The following TCP11L1 variants were observed in gnomAD, a reference collection of about 807,000 sequenced individuals.
The protein encoded by TCP11L1 is t-complex 11 like 1.
In TCP11L1, 28 loss-of-function variants were observed where a neutral mutation model predicts 48.9. The ratio of observed to expected loss-of-function variants is 0.57; its 90% CI spans 0.42 to 0.78. The LOEUF is 0.78. Among genes scored for constraint, TCP11L1 ranks in the 30% least tolerant of loss-of-function variants. The pLI is 0.00. For missense variants in TCP11L1, 505 were observed against 613.4 expected (o/e 0.82, Z 1.87); for synonymous variants, 204 against 231.9 (o/e 0.88, Z 1.09).
At chr11:33,046,719 G>A (rs1394369385) in intron 2 of TCP11L1, among the ~76,000 whole-genome samples, 3 of 152,162 alleles carry the variant, frequency 2.0e-5, no homozygotes, top group Non-Finnish European at 4.4e-5. Context: ...ATCAGGTAAG[G>A]AAGCATTATT....
chr11:33,053,073 C>T (rs1281532524), intron 2 of TCP11L1, among the ~76,000 whole-genome samples: 2 of 150,750 alleles, frequency 1.3e-5, no homozygotes, highest in South Asian at 4.3e-4. Flanking sequence ...GAGGTGGGCT[C>T]AGCAATCTGT....
intron 2 of TCP11L1, among the ~76,000 whole-genome samples, chr11:33,045,352 C>CA (rs59665470): frequency 0.19 from 22,002 of 115,790 alleles, 2,015 homozygotes; most frequent in East Asian, 0.31. Context: ...GACCCTGTCT[C>CA]AAAAAAAAAA....
Position 33,072,812 on chromosome 11 carries a change from G to T in TCP11L1, c.*136G>T. 3.2e-6 allele frequency: 3 copies of T among 930,722 alleles called. No individual in the cohort carries two copies. Among genetic ancestry groups the T allele is most frequent in the Non-Finnish European group, 4.9e-6 (3 of 612,572 alleles). 57.7% of individuals were successfully genotyped at this position (930,722 alleles called of 1,614,324 possible). A position where few individuals can be genotyped will look rare whatever the true frequency, so the allele number is the denominator to read the frequency against. ...CCGATTCCAAAGGGAAGAATATTGT[G>T]TATCACTGTTGAAAAGACTTGTTGA... On this transcript the variant is annotated 3_prime_UTR_variant, in exon 10 of 10. Coordinates refer to ENST00000334274, the MANE Select transcript of TCP11L1 (RefSeq NM_018393.4).
At chr11:33,065,779 C>G (rs1854597841) in intron 7 of TCP11L1, 51 bp from the exon 8 acceptor site, 1 of 1,580,656 alleles carries the variant, frequency 6.3e-7, no homozygotes, top group South Asian at 1.1e-5. Context: ...CCGCCCTCTG[C>G]TGGCCAACCT....
chr11:33,047,221 A>AG (rs1854023643), intron 2 of TCP11L1, among the ~76,000 whole-genome samples: 1 of 151,972 alleles, frequency 6.6e-6, no homozygotes, highest in Non-Finnish European at 1.5e-5. Context: ...CTCAAGAAAA[A>AG]AAAAAAAAGA....
intron 8 of TCP11L1, among the ~76,000 whole-genome samples, chr11:33,067,103 A>G (rs1254324724): frequency 6.6e-6 from 1 of 152,148 alleles, no homozygotes; most frequent in Non-Finnish European, 1.5e-5. Context: ...ATGTGGTTGA[A>G]GTGTTCTGCC....
At chr11:33,053,433 T>G (rs4755487) in intron 2 of TCP11L1, among the ~76,000 whole-genome samples, 107,267 of 152,050 alleles carry the variant, frequency 0.71, 38,017 homozygotes, top group East Asian at 0.87. Flanking sequence ...GTGTGAGCCT[T>G]GCCTTATCAT....
chr11:33,057,677 T>C (rs1213060199), intron 4 of TCP11L1, among the ~76,000 whole-genome samples: 1 of 152,228 alleles, frequency 6.6e-6, no homozygotes, highest in Admixed American at 6.5e-5. Flanking sequence ...CTTTTCTTTT[T>C]TCACCATTAA....
intron 7 of TCP11L1, 114 bp downstream of exon 7, chr11:33,061,840 G>T: frequency 9.2e-7 from 1 of 1,088,410 alleles, no homozygotes; most frequent in Non-Finnish European, 1.2e-6. Flanking sequence ...CAGCACTTTG[G>T]GAGGCAGAGG....
intron 4 of TCP11L1, 100 bp from the exon 5 acceptor site, chr11:33,057,819 G>A (rs1467055152): frequency 1.9e-5 from 18 of 966,070 alleles, no homozygotes; most frequent in Admixed American, 3.1e-5. Flanking sequence ...GCAATATTAC[G>A]TAGCAATTGA....
At position 33,065,698 on chromosome 11, in the gene TCP11L1, C is replaced by T. The variant is rs73489450; in HGVS notation, c.973-132C>T. On this transcript the variant is annotated intron_variant, in intron 7 of 9. Transcript: ENST00000334274. ...GAGGGGTTATTTCACACCAGACTCC[C>T]TCAAAGCTCTGACACACTAGCGCAA... 2.4e-3 allele frequency: 2,483 copies of T among 1,025,384 alleles called. 37 individuals are homozygous for T. The African/African-American group carries it at 0.036, about 15-fold the overall frequency. 63.5% of individuals were successfully genotyped at this position (1,025,384 alleles called of 1,614,324 possible).
At chr11:33,057,893 T>C (rs1239279514) in intron 4 of TCP11L1, 26 bp from the exon 5 acceptor site, 3 of 1,566,726 alleles carry the variant, frequency 1.9e-6, no homozygotes, top group East Asian at 4.5e-5. Flanking sequence ...AGAATTTTGA[T>C]TAAACGTAGC....
At chr11:33,050,189 CAGA>C (rs1854117776) in intron 2 of TCP11L1, among the ~76,000 whole-genome samples, 1 of 152,214 alleles carries the variant, frequency 6.6e-6, no homozygotes, top group Non-Finnish European at 1.5e-5. Context: ...CATCTCAAGG[CAGA>C]AGAATTTTTC....
intron 8 of TCP11L1, 151 bp downstream of exon 8, chr11:33,066,162 C>T (rs1189989398): frequency 1.0e-5 from 10 of 991,434 alleles, no homozygotes; most frequent in East Asian, 5.1e-5. Flanking sequence ...GTTCACTTGG[C>T]GAAGACCCCA....
intron 2 of TCP11L1, among the ~76,000 whole-genome samples, chr11:33,045,635 T>A (rs1344486495): frequency 6.6e-6 from 1 of 152,230 alleles, no homozygotes; most frequent in Non-Finnish European, 1.5e-5. Context: ...AACTTTTGGT[T>A]TAGGTCTTCA....
chr11:33,061,777 A>G (rs1382171214), intron 7 of TCP11L1, 51 bp downstream of exon 7: 1 of 1,506,110 alleles, frequency 6.6e-7, no homozygotes, highest in African/African-American at 1.4e-5. Flanking sequence ...GTGCTGCTGA[A>G]CTTTTTAAAA....
At chr11:33,048,000 A>G (rs1235499551) in intron 2 of TCP11L1, among the ~76,000 whole-genome samples, 1 of 152,114 alleles carries the variant, frequency 6.6e-6, no homozygotes, top group Non-Finnish European at 1.5e-5. Context: ...CTAAATTAGA[A>G]CTTCATTTTA....
chr11:33,057,272 T>C, intron 4 of TCP11L1, 37 bp downstream of exon 4: 1 of 1,612,682 alleles, frequency 6.2e-7, no homozygotes, highest in South Asian at 1.1e-5. Context: ...TTTTCTGGTG[T>C]GTTAGGAGTG....
At position 33,043,790 on chromosome 11, in the gene TCP11L1, A is replaced by G. The variant is rs1180948347; in HGVS notation, c.17A>G (p.Asp6Gly). 6.2e-7 allele frequency: 1 copy of G among 1,609,678 alleles called. No individual in the cohort carries two copies. Residue 6 changes from aspartate to glycine, a missense_variant, in exon 2 of 10, where the codon GAC becomes GGC. Transcript: ENST00000334274. Reference protein sequence around the residue: MSENLDKSNVNEAGKS... With the variant: MSENLGKSNVNEAGKS... ...TAATTGAGAATGTCTGAAAACCTTG[A>G]CAAGTCCAATGTAAATGAAGCAGGA... is the stretch of plus-strand genomic sequence containing the variant.
Sources: gnomAD v4.1 joint callset for allele counts (sites outside exome capture counted in the v4.1 genomes callset) on GRCh38, gnomAD v4.1.1 for gene constraint, MANE v1.5 for transcripts, NCBI Gene and HGNC (gene_info 2026-07-23, HGNC 2026-07-21) for gene names.